The following CNTLN variants were observed in gnomAD, a reference collection of about 807,000 sequenced individuals.
CNTLN encodes centlein.
Under a neutral mutation model 180.0 loss-of-function variants are expected in CNTLN, and 212 were observed. That is an observed-to-expected ratio of 1.18 (90% confidence interval 1.05 to 1.32). The LOEUF (loss-of-function observed/expected upper bound fraction) is 1.32, where lower values mean the gene tolerates loss of function less well. Among genes scored for constraint, CNTLN ranks in the 40% most tolerant of loss-of-function variants. CNTLN has a pLI of 0.00. For missense variants in CNTLN, 2,095 were observed against 1,610.9 expected (o/e 1.30, Z -5.14); for synonymous variants, 722 against 563.1 (o/e 1.28, Z -3.99).
chr9:17,504,642 G>C (rs1482992663), downstream of CNTLN, among the ~76,000 whole-genome samples: 3 of 152,330 alleles, frequency 2.0e-5, no homozygotes, highest in Middle Eastern at 6.8e-3. Context: ...TCTTATGAGA[G>C]GGAGGTAGGA....
intron 18 of CNTLN, among the ~76,000 whole-genome samples, chr9:17,433,616 GTT>G (rs34373263): frequency 6.6e-6 from 1 of 151,308 alleles, no homozygotes; most frequent in Non-Finnish European, 1.5e-5. Flanking sequence ...GTTTGTAGTG[GTT>G]TTTTTTTGTT....
intron 23 of CNTLN, among the ~76,000 whole-genome samples, chr9:17,480,792 T>C (rs1832600962): frequency 2.6e-5 from 4 of 152,222 alleles, no homozygotes; most frequent in Admixed American, 2.6e-4. Context: ...AGTAAGTTCA[T>C]GAACTGTTTC....
chr9:17,494,568 C>G (rs7861273), intron 25 of CNTLN, among the ~76,000 whole-genome samples: 1 of 151,978 alleles, frequency 6.6e-6, no homozygotes, highest in East Asian at 1.9e-4. Context: ...TTCCCCTTCT[C>G]TGTGTCCATA....
intron 6 of CNTLN, among the ~76,000 whole-genome samples, chr9:17,290,052 G>A (rs1829263600): frequency 1.3e-5 from 2 of 152,198 alleles, no homozygotes; most frequent in Admixed American, 1.3e-4. Context: ...TTGCTGGTGA[G>A]GAACTGCGTT....
chr9:17,501,641 G>C (rs1356305962), intron 25 of CNTLN, among the ~76,000 whole-genome samples: 1 of 152,204 alleles, frequency 6.6e-6, no homozygotes, highest in East Asian at 1.9e-4. Flanking sequence ...GCAGGGAAGG[G>C]GGCTGGGCAT....
At chr9:17,168,720 T>G (rs1820243490) in intron 2 of CNTLN, among the ~76,000 whole-genome samples, 1 of 152,208 alleles carries the variant, frequency 6.6e-6, no homozygotes, top group Non-Finnish European at 1.5e-5. Flanking sequence ...TATCTATTTA[T>G]TTTGTTATAC....
intron 8 of CNTLN, 43 bp from the exon 9 acceptor site, chr9:17,330,589 T>TACAA (rs765601543): frequency 2.8e-5 from 30 of 1,059,174 alleles, no homozygotes; most frequent in Middle Eastern, 6.5e-4. Flanking sequence ...TAATGTAAGA[T>TACAA]ACAAACATAG....
chr9:17,367,111 C>G (rs60765045), intron 13 of CNTLN, among the ~76,000 whole-genome samples: 2,557 of 152,316 alleles, frequency 0.017, 78 homozygotes, highest in African/African-American at 0.059. Context: ...GAAAGACAGT[C>G]TTAAATTACC....
At position 17,211,252 on chromosome 9, in the gene CNTLN, C is replaced by A. The variant is rs570140800; in HGVS notation, c.450-14951C>A. On this transcript the variant is annotated intron_variant, in intron 2 of 25. Coordinates refer to ENST00000380647, the MANE Select transcript of CNTLN (RefSeq NM_017738.4). Reference sequence around the variant, plus strand: ...TTAGTACAAGGTGTAAGGAAGGGATCCAGTTTCAGCTTTCTCCATATGGCT... The same window carrying A: ...TTAGTACAAGGTGTAAGGAAGGGATACAGTTTCAGCTTTCTCCATATGGCT... Among the ~76,000 whole-genome samples the A allele has an allele frequency of 1.3e-3, 193 of 152,276 alleles. 1 individual carries two copies. The highest frequency in any genetic ancestry group is 5.8e-3 in the Admixed American group (89 of 15,288).
intron 3 of CNTLN, among the ~76,000 whole-genome samples, chr9:17,231,971 T>C (rs978309771): frequency 2.0e-5 from 3 of 152,136 alleles, no homozygotes; most frequent in Non-Finnish European, 4.4e-5. Flanking sequence ...TCATCCCTTA[T>C]TGCTTTATGG....
At chr9:17,161,634 AGTAAT>A (rs1819686310) in intron 2 of CNTLN, among the ~76,000 whole-genome samples, 1 of 152,226 alleles carries the variant, frequency 6.6e-6, no homozygotes, top group Non-Finnish European at 1.5e-5. Flanking sequence ...AATTAGTATT[AGTAAT>A]ACGTTATTTT....
At position 17,228,668 on chromosome 9, in the gene CNTLN, A is replaced by G. The variant is rs535474467; in HGVS notation, c.534+2381A>G. On this transcript the variant is annotated intron_variant, in intron 3 of 25. Transcript: ENST00000380647. ...TCTCTTTCATCCACTCTTTAGTCTC[A>G]TACAGACGACTGTATACCCAGTACG... is the stretch of plus-strand genomic sequence containing the variant. 2.0e-5 allele frequency among the ~76,000 whole-genome samples: 3 copies of G among 152,168 alleles called. No individual in the cohort carries two copies. In the South Asian group the frequency reaches 6.2e-4, roughly 32 times the overall value.
At chr9:17,332,168 A>AT (rs1317622318) in intron 9 of CNTLN, among the ~76,000 whole-genome samples, 2 of 152,020 alleles carry the variant, frequency 1.3e-5, no homozygotes, top group Non-Finnish European at 2.9e-5. Flanking sequence ...TTCCTCAAGC[A>AT]TATTGTTCCT....
intron 19 of CNTLN, among the ~76,000 whole-genome samples, chr9:17,459,961 T>C (rs948376241): frequency 6.6e-5 from 10 of 151,766 alleles, no homozygotes; most frequent in Non-Finnish European, 1.3e-4. Flanking sequence ...ACATAACAGA[T>C]ATCAAACTGC....
intron 6 of CNTLN, among the ~76,000 whole-genome samples, chr9:17,276,785 T>C (rs1828339299): frequency 6.6e-6 from 1 of 152,094 alleles, no homozygotes; most frequent in Admixed American, 6.6e-5. Flanking sequence ...TTGCTTATAT[T>C]AATAGTATCA....
At chr9:17,280,645 G>A (rs79870053) in intron 6 of CNTLN, among the ~76,000 whole-genome samples, 453 of 152,272 alleles carry the variant, frequency 3.0e-3, no homozygotes, top group African/African-American at 0.01. Context: ...ATGATAAACC[G>A]TGAAGACATC....
chr9:17,306,699 T>A (rs16923267), intron 7 of CNTLN, among the ~76,000 whole-genome samples: 1,824 of 152,316 alleles, frequency 0.012, 41 homozygotes, highest in African/African-American at 0.042. Context: ...GTTTTCTTTG[T>A]CAGCACTTAT....
the CNTLN span, among the ~76,000 whole-genome samples, chr9:17,526,865 C>T: frequency 6.0e-5 from 9 of 150,608 alleles, no homozygotes; most frequent in East Asian, 1.9e-4. Context: ...TTTTTTGAGG[C>T]GGAGTCTTGC....
At chr9:17,299,589 C>G (rs1818205921) in intron 7 of CNTLN, 1 of 985,126 alleles carries the variant, frequency 1.0e-6, no homozygotes, top group African/African-American at 1.7e-5. Flanking sequence ...TTTGTGTTTT[C>G]CCAAGGACCT....
Sources: gnomAD v4.1 joint callset for allele counts (sites outside exome capture counted in the v4.1 genomes callset) on GRCh38, gnomAD v4.1.1 for gene constraint, MANE v1.5 for transcripts, NCBI Gene and HGNC (gene_info 2026-07-23, HGNC 2026-07-21) for gene names.